ACBD6: variants seen among roughly 807,000 people sequenced by gnomAD.
ACBD6 encodes the protein acyl-CoA binding domain containing 6.
ACBD6 carries 28 observed loss-of-function variants against 37.2 expected under a neutral mutation model. The ratio of observed to expected loss-of-function variants is 0.75; its 90% confidence interval spans 0.56 to 1.03. The LOEUF is 1.03. ACBD6 is among the 50% of genes least tolerant of loss of function. ACBD6 has a pLI of 0.00. For synonymous variants in ACBD6, 113 were observed against 126.8 expected (o/e 0.89, Z 0.73); for missense variants, 340 against 337.4 (o/e 1.01, Z -0.06).
At chr1:180,309,474 T>C (rs951851640) in intron 7 of ACBD6, among the ~76,000 whole-genome samples, 1 of 152,008 alleles carries the variant, frequency 6.6e-6, no homozygotes, top group African/African-American at 2.4e-5. Flanking sequence ...GTTGCTACAG[T>C]TTCTGGAAGG....
rs180797170 is a variant in ACBD6 at position 180,340,830 on chromosome 1, C to T, written c.664-26108G>A. On this transcript the variant is annotated intron_variant, in intron 6 of 7. Transcript: ENST00000367595. ...CAGTAGATATGGTAGTGAGAATTTG[C>T]GGAAGTTCTTTTTTAATGGCTCCTG... Among the ~76,000 whole-genome samples, 350 of 152,040 alleles carry T rather than the reference C, an allele frequency of 2.3e-3. 1 individual carries two copies. Among genetic ancestry groups the T allele is most frequent in the Admixed American group, 3.1e-3 (47 of 15,256 alleles).
intron 5 of ACBD6, among the ~76,000 whole-genome samples, chr1:180,406,743 AG>A (rs922992218): frequency 1.6e-4 from 25 of 152,188 alleles, no homozygotes; most frequent in Non-Finnish European, 7.4e-5. Context: ...TCATAAAATT[AG>A]GTTGAACCTG....
intron 1 of ACBD6, among the ~76,000 whole-genome samples, chr1:180,501,798 G>GA (rs925697844): frequency 9.5e-5 from 14 of 147,606 alleles, no homozygotes; most frequent in South Asian, 6.5e-4. Context: ...ATAAGTCAGA[G>GA]AAAAAAACAC....
downstream of ACBD6, among the ~76,000 whole-genome samples, chr1:180,287,871 A>C (rs1649555185): frequency 6.6e-6 from 1 of 152,076 alleles, no homozygotes; most frequent in African/African-American, 2.4e-5. Context: ...GTTTTTCTTA[A>C]CATCCCTCTT....
chr1:180,342,411 C>T (rs1652016019), intron 6 of ACBD6, among the ~76,000 whole-genome samples: 1 of 152,014 alleles, frequency 6.6e-6, no homozygotes, highest in South Asian at 2.1e-4. Flanking sequence ...ATTATCTAAT[C>T]CAATTGTAGT....
intron 2 of ACBD6, among the ~76,000 whole-genome samples, chr1:180,492,844 G>C (rs1651561177): frequency 1.3e-5 from 2 of 152,118 alleles, no homozygotes; most frequent in Non-Finnish European, 1.5e-5. Context: ...TTCTTACTAA[G>C]ATACAAGAAA....
At position 180,350,022 on chromosome 1, in the gene ACBD6, CCTTTTT is replaced by C. The variant is rs747698466; in HGVS notation, c.664-35306_664-35301del. On this transcript the variant is annotated intron_variant, in intron 6 of 7. Transcript: ENST00000367595. ...AGGTGTTTCAGTCCTCTCCAGTGAC[CCTTTTT>C]TTTTTTTTTTTTTTTTGAGCAGAGT... Among the ~76,000 whole-genome samples, 166 of 131,506 alleles carry C rather than the reference CCTTTTT, an allele frequency of 1.3e-3. 8 individuals carry two copies. The highest frequency in any genetic ancestry group is 1.4e-3 in the Non-Finnish European group (90 of 63,166). The allele number at this position is 131,506 out of a possible 152,430, so 86.3% of individuals were successfully genotyped here.
intron 6 of ACBD6, among the ~76,000 whole-genome samples, chr1:180,322,040 A>G (rs1446521003): frequency 6.6e-6 from 1 of 152,008 alleles, no homozygotes; most frequent in Non-Finnish European, 1.5e-5. Flanking sequence ...TGTTCCTTCT[A>G]TATCTAGCTT....
At chr1:180,433,574 CTGTGTGTGTGTG>C (rs61101474) in intron 3 of ACBD6, among the ~76,000 whole-genome samples, 8,713 of 149,742 alleles carry the variant, frequency 0.058, 460 homozygotes, top group African/African-American at 0.14. Flanking sequence ...TGGTGTTATG[CTGTGTGTGTGTG>C]TGTGTGTGTG....
chr1:180,339,744 A>G (rs991963391), intron 6 of ACBD6, among the ~76,000 whole-genome samples: 3 of 151,510 alleles, frequency 2.0e-5, no homozygotes, highest in Admixed American at 1.3e-4. Flanking sequence ...TGTTCTAAGG[A>G]CAGCAAACAA....
At chr1:180,362,943 G>C (rs1490349192) in intron 6 of ACBD6, among the ~76,000 whole-genome samples, 2 of 152,214 alleles carry the variant, frequency 1.3e-5, no homozygotes, top group African/African-American at 2.4e-5. Flanking sequence ...CAGGTGACTA[G>C]AGAAGTTGAG....
intron 3 of ACBD6, among the ~76,000 whole-genome samples, chr1:180,479,322 G>C (rs1347890684): frequency 4.6e-5 from 7 of 152,080 alleles, no homozygotes; most frequent in Non-Finnish European, 1.0e-4. Flanking sequence ...CTATAAAAAA[G>C]AATGAAATGT....
At chr1:180,270,923 G>A in exon 14 of ACBD6, 1 of 255,262 alleles carries the variant, frequency 3.9e-6, no homozygotes, top group Non-Finnish European at 7.8e-6. Context: ...AAGGTGACAT[G>A]GCTGTGGGGA....
chr1:180,290,426 C>G (rs6688844), intron 7 of ACBD6, among the ~76,000 whole-genome samples: 74,766 of 152,092 alleles, frequency 0.49, 21,043 homozygotes, highest in South Asian at 0.66. Flanking sequence ...ATCCTCCCGC[C>G]TTGGCCTCCC....
chr1:180,330,276 C>T (rs1475189319), intron 6 of ACBD6, among the ~76,000 whole-genome samples: 1 of 149,436 alleles, frequency 6.7e-6, no homozygotes, highest in Non-Finnish European at 1.5e-5. Flanking sequence ...TTTTTAAAGC[C>T]AGGTGTGGCG....
intron 6 of ACBD6, among the ~76,000 whole-genome samples, chr1:180,383,783 A>G (rs1653746371): frequency 6.6e-6 from 1 of 152,224 alleles, no homozygotes; most frequent in African/African-American, 2.4e-5. Context: ...TTATAATGCT[A>G]TAGTAACCAA....
At chr1:180,447,893 C>CA (rs1649532277) in intron 3 of ACBD6, among the ~76,000 whole-genome samples, 1 of 151,464 alleles carries the variant, frequency 6.6e-6, no homozygotes, top group African/African-American at 2.4e-5. Flanking sequence ...CAAATGATCT[C>CA]ATGTGTACAA....
At chr1:180,406,497 GAAATAC>G (rs1412038119) in intron 5 of ACBD6, among the ~76,000 whole-genome samples, 1 of 152,000 alleles carries the variant, frequency 6.6e-6, no homozygotes, top group Non-Finnish European at 1.5e-5. Context: ...ACTTCATTAT[GAAATAC>G]AAATACATTT....
At chr1:180,309,851 C>T (rs1650520451) in intron 7 of ACBD6, among the ~76,000 whole-genome samples, 1 of 152,086 alleles carries the variant, frequency 6.6e-6, no homozygotes, top group South Asian at 2.1e-4. Context: ...GTGGCTGAGA[C>T]AAATTTTTTT....
Sources: gnomAD v4.1 joint callset for allele counts (sites outside exome capture counted in the v4.1 genomes callset) on GRCh38, gnomAD v4.1.1 for gene constraint, MANE v1.5 for transcripts, NCBI Gene and HGNC (gene_info 2026-07-23, HGNC 2026-07-21) for gene names.